HMCN1: variants seen among roughly 807,000 people sequenced by gnomAD.
The protein encoded by HMCN1 is hemicentin-1.
In HMCN1, 321 loss-of-function variants were observed where a neutral mutation model predicts 625.9. The ratio of observed to expected loss-of-function variants is 0.51; its 90% confidence interval spans 0.47 to 0.56. The LOEUF is 0.56. Ranked by LOEUF, HMCN1 falls within the 20% of genes least tolerant of loss-of-function variation. The pLI is 0.00. For synonymous variants in HMCN1, 2,425 were observed against 2,417.6 expected (o/e 1.00, Z -0.09); for missense variants, 6,588 against 6,887.3 (o/e 0.96, Z 1.54).
At chr1:185,921,598 G>A (rs1445285398) in intron 6 of HMCN1, among the ~76,000 whole-genome samples, 1 of 152,176 alleles carries the variant, frequency 6.6e-6, no homozygotes, top group African/African-American at 2.4e-5. Context: ...TGTTGAGTTT[G>A]AAATTGATAA....
intron 1 of HMCN1, among the ~76,000 whole-genome samples, chr1:185,838,933 T>C (rs1661328290): frequency 1.3e-5 from 2 of 152,256 alleles, no homozygotes; most frequent in African/African-American, 4.8e-5. Context: ...CACAGACATC[T>C]ATCATACTTT....
intron 54 of HMCN1, 79 bp downstream of exon 54, chr1:186,076,701 TG>T: frequency 7.1e-7 from 1 of 1,404,508 alleles, no homozygotes; most frequent in Non-Finnish European, 1.0e-6. Context: ...CGAATTGAAT[TG>T]GTTGGGTCTC....
At position 185,962,508 on chromosome 1, in the gene HMCN1, TTA is replaced by T. The variant is rs1203414883; in HGVS notation, c.1829-8_1829-7del. 2.5e-6 allele frequency: 4 copies of T among 1,612,282 alleles called. No homozygotes were observed. The highest frequency in any genetic ancestry group is 3.4e-6 in the Non-Finnish European group (4 of 1,178,408). The stretch of plus-strand genomic sequence containing the variant: ...GGCATTTTTCTACATACGTATATTT[TTA>T]TTTGCAGAACCACCCAAAGTCACTG... On this transcript the variant is annotated splice_polypyrimidine_tract_variant and splice_region_variant and intron_variant, in intron 11 of 106. Coordinates refer to ENST00000271588, the MANE Select transcript of HMCN1 (RefSeq NM_031935.3).
chr1:186,097,509 A>G (rs565537688), intron 68 of HMCN1, among the ~76,000 whole-genome samples: 3 of 152,234 alleles, frequency 2.0e-5, no homozygotes, highest in Non-Finnish European at 4.4e-5. Flanking sequence ...ATCAAAAAAA[A>G]AAAAGATATG....
chr1:186,185,378 G>A (rs1653224855), intron 105 of HMCN1, among the ~76,000 whole-genome samples: 1 of 152,166 alleles, frequency 6.6e-6, no homozygotes, highest in Admixed American at 6.5e-5. Flanking sequence ...GGCTTTTCAA[G>A]TCACTGAGAC....
intron 36 of HMCN1, among the ~76,000 whole-genome samples, chr1:186,026,686 T>G (rs1318770063): frequency 6.6e-6 from 1 of 152,120 alleles, no homozygotes; most frequent in East Asian, 1.9e-4. Context: ...CAAGTTGGAG[T>G]GCAGTGGTAC....
At chr1:185,861,628 G>A (rs1428542950) in intron 2 of HMCN1, among the ~76,000 whole-genome samples, 2 of 152,136 alleles carry the variant, frequency 1.3e-5, no homozygotes, top group African/African-American at 2.4e-5. Flanking sequence ...TTACTAACAT[G>A]TCTGTCTATT....
At chr1:185,951,203 A>G (rs1360876312) in intron 11 of HMCN1, among the ~76,000 whole-genome samples, 1 of 151,282 alleles carries the variant, frequency 6.6e-6, no homozygotes, top group East Asian at 1.9e-4. Flanking sequence ...GAAGGGCGGC[A>G]ATGAGATATA....
intron 97 of HMCN1, among the ~76,000 whole-genome samples, chr1:186,158,582 G>A (rs1299374843): frequency 6.6e-6 from 1 of 152,092 alleles, no homozygotes; most frequent in African/African-American, 2.4e-5. Flanking sequence ...TAACGTTTAA[G>A]TCTTTAATCC....
At chr1:186,122,305 A>G (rs1661432593) in intron 80 of HMCN1, among the ~76,000 whole-genome samples, 1 of 152,168 alleles carries the variant, frequency 6.6e-6, no homozygotes, top group South Asian at 2.1e-4. Flanking sequence ...ATGCCTTTTT[A>G]TAGTGATGCG....
chr1:186,167,904 A>G (rs1393821048), intron 100 of HMCN1, among the ~76,000 whole-genome samples: 5 of 152,138 alleles, frequency 3.3e-5, no homozygotes, highest in Non-Finnish European at 7.3e-5. Context: ...AATTGCCTCC[A>G]AGTTTAGGCA....
intron 45 of HMCN1, among the ~76,000 whole-genome samples, chr1:186,056,308 A>G (rs941434639): frequency 6.6e-6 from 1 of 152,038 alleles, no homozygotes; most frequent in African/African-American, 2.4e-5. Context: ...TGCCAAAGCT[A>G]TAGGAATCAC....
At chr1:185,907,967 A>T (rs1457280104) in intron 4 of HMCN1, among the ~76,000 whole-genome samples, 1 of 151,772 alleles carries the variant, frequency 6.6e-6, no homozygotes, top group East Asian at 1.9e-4. Context: ...AGAGCAAAAC[A>T]CTTTGTTTTG....
intron 1 of HMCN1, among the ~76,000 whole-genome samples, chr1:185,822,284 C>T (rs988359116): frequency 2.0e-5 from 3 of 150,242 alleles, no homozygotes; most frequent in Admixed American, 1.3e-4. Flanking sequence ...TTGATAATGG[C>T]GGAGGTTGTG....
At chr1:185,977,194 TTC>T (rs1651275638) in intron 15 of HMCN1, among the ~76,000 whole-genome samples, 1 of 152,282 alleles carries the variant, frequency 6.6e-6, no homozygotes, top group East Asian at 1.9e-4. Context: ...AAATACTACA[TTC>T]TGTTACTTTG....
intron 1 of HMCN1, among the ~76,000 whole-genome samples, chr1:185,775,195 A>C (rs1012013893): frequency 6.6e-6 from 1 of 152,130 alleles, no homozygotes; most frequent in African/African-American, 2.4e-5. Context: ...GCAGTTCTAG[A>C]GTATGTGAAA....
At chr1:185,894,402 T>C (rs1665358645) in intron 4 of HMCN1, among the ~76,000 whole-genome samples, 1 of 152,224 alleles carries the variant, frequency 6.6e-6, no homozygotes, top group South Asian at 2.1e-4. Context: ...ACTGTTGATA[T>C]ATACATGGGT....
intron 1 of HMCN1, among the ~76,000 whole-genome samples, chr1:185,824,724 A>C (rs977267289): frequency 1.3e-5 from 2 of 152,156 alleles, no homozygotes; most frequent in African/African-American, 4.8e-5. Context: ...AGAATCTTAC[A>C]GATAAAGAAA....
chr1:185,867,816 A>G (rs147687284), intron 4 of HMCN1, among the ~76,000 whole-genome samples: 190 of 152,334 alleles, frequency 1.2e-3, no homozygotes, highest in African/African-American at 4.2e-3. Flanking sequence ...CACGCCTGTA[A>G]TCACAGCACT....
Sources: allele counts gnomAD v4.1 joint callset (sites outside exome capture counted in the v4.1 genomes callset), GRCh38; gene constraint gnomAD v4.1.1; transcripts MANE v1.5; gene names NCBI Gene and HGNC (gene_info 2026-07-23, HGNC 2026-07-21).